The following LTBP4 variants were observed in gnomAD, a reference collection of about 807,000 sequenced individuals.
LTBP4 encodes latent-transforming growth factor beta-binding protein 4.
Under a neutral mutation model 180.2 loss-of-function variants are expected in LTBP4, and 93 were observed. That is an observed-to-expected ratio of 0.52 (90% confidence interval 0.44 to 0.61). The LOEUF is 0.61. Among genes scored for constraint, LTBP4 ranks in the 20% least tolerant of loss-of-function variants. The probability of loss-of-function intolerance (pLI) is 0.00; values close to 1 mark genes in which losing one functional copy is unlikely to be tolerated. For missense variants in LTBP4, 2,116 were observed against 2,256.5 expected (o/e 0.94, Z 1.26); for synonymous variants, 947 against 934.5 (o/e 1.01, Z -0.24).
intron 22 of LTBP4, among the ~76,000 whole-genome samples, chr19:40,621,773 G>C (rs963820023): frequency 6.6e-6 from 1 of 152,186 alleles, no homozygotes; most frequent in Non-Finnish European, 1.5e-5. Flanking sequence ...TTTTGTGACA[G>C]AGTCTCGCTC....
chr19:40,611,364 C>A lies in LTBP4; in HGVS notation c.2023C>A (p.Arg675Ser). Residue 675 changes from arginine (R) to serine (S), a missense_variant, in exon 13 of 30, where the codon CGC becomes AGC. Physicochemically the swap from Arg to Ser is moderately radical, Grantham distance 110. This residue lies in a region of LTBP4 where 877 missense variants were observed against 873.6 expected (regional missense o/e 1.00). Transcript: ENST00000396819. This position sits in a 1 kb window ranked among gnomAD's most constrained non-coding sequence, Gnocchi z 4.4. The stretch of plus-strand genomic sequence containing the variant: ...TCACTGTGCCTGCCCTGCTGGCTTC[C>A]GCTCCCGAGGGCCCGGGGCCCCCTG... ...SFHCACPAGF[R>S]SRGPGAPCQD... 6.2e-7 allele frequency: 1 copy of A among 1,607,852 alleles called. No homozygotes were observed. The highest frequency in any genetic ancestry group is 8.5e-7 in the Non-Finnish European group (1 of 1,177,922).
intron 28 of LTBP4, 139 bp downstream of exon 28, chr19:40,627,494 G>A: frequency 7.6e-7 from 1 of 1,309,714 alleles, no homozygotes; most frequent in Non-Finnish European, 1.0e-6. Flanking sequence ...ACAGAGAAGT[G>A]TCTATAGCCC....
At chr19:40,616,729 C>T (rs947972193) in intron 19 of LTBP4, among the ~76,000 whole-genome samples, 160 bp from the exon 20 acceptor site, 12 of 152,208 alleles carry the variant, frequency 7.9e-5, no homozygotes, top group Non-Finnish European at 1.3e-4. Flanking sequence ...GACTCCGTCT[C>T]AAAGAAAAAA....
chr19:40,599,728 C>G, upstream of LTBP4: 1 of 627,106 alleles, frequency 1.6e-6, no homozygotes, highest in Non-Finnish European at 2.8e-6. Context: ...GCCTGCCTAT[C>G]TCAGGCTCTT....
chr19:40,609,574 C>T lies in LTBP4; in HGVS notation c.1471C>T (p.Pro491Ser), dbSNP rs750845146. 11 of 1,613,426 alleles carry T rather than the reference C, an allele frequency of 6.8e-6. No individual in the cohort carries two copies. The South Asian group carries it at 1.2e-4, about 18-fold the overall frequency. The change falls in exon 10 of 30, where the codon CCA becomes TCA. Residue 491 changes from proline (P) to serine (S), a missense_variant. Coordinates refer to ENST00000396819, the MANE Select transcript of LTBP4 (RefSeq NM_001042545.2). This position sits in a 1 kb window ranked among gnomAD's most constrained non-coding sequence, Gnocchi z 4.9. ...MCQRNPQVCG[P>S]GRCISRPSGY... The stretch of plus-strand genomic sequence containing the variant: ...TCAGCGCAACCCCCAGGTCTGCGGC[C>T]CAGGACGCTGCATTTCCCGGCCCAG...
At position 40,614,471 on chromosome 19, in the gene LTBP4, G is replaced by T. The variant is rs4435368; in HGVS notation, c.2812+25G>T. ...GGTGAGCCTGCCCCCACCCGCCTTC[G>T]CTAGCGCTTGCAACGCGGTGCTGGA... On this transcript the variant is annotated intron_variant, in intron 19 of 29. Coordinates refer to ENST00000396819, the MANE Select transcript of LTBP4 (RefSeq NM_001042545.2). 5.7e-5 allele frequency: 90 copies of T among 1,591,062 alleles called. No homozygotes were observed. In the Admixed American group the frequency reaches 1.4e-3, roughly 25 times the overall value.
chr19:40,612,137 C>T lies in LTBP4; in HGVS notation c.2244C>T (p.Ser748=). Residue 748 remains serine, a synonymous_variant, in exon 15 of 30, where the codon TCC becomes TCT. Coordinates refer to ENST00000396819, the MANE Select transcript of LTBP4 (RefSeq NM_001042545.2). ...AGGAGTGTGTGAACTCGCCCGGCTC[C>T]TTCCAGTGCAGGACCTGTCCTTCTG... The part of the protein sequence containing the change: ...PGQECVNSPG[S]FQCRTCPSGH... The T allele has an allele frequency of 6.2e-7, 1 of 1,613,338 alleles. No individual in the cohort carries two copies. Among genetic ancestry groups the T allele is most frequent in the Non-Finnish European group, 8.5e-7 (1 of 1,179,666 alleles).
At position 40,614,335 on chromosome 19, in the gene LTBP4, C is replaced by A; in HGVS notation, c.2701C>A (p.Arg901=). The A allele has an allele frequency of 6.3e-7, 1 of 1,599,656 alleles. No individual in the cohort carries two copies. The highest frequency in any genetic ancestry group is 2.2e-5 in the East Asian group (1 of 44,842). The change falls in exon 19 of 30, where the codon CGA becomes AGA. Residue 901 remains arginine (R), a synonymous_variant. Coordinates refer to ENST00000396819, the MANE Select transcript of LTBP4 (RefSeq NM_001042545.2). ...SCLDVDECRE[R]GPALCGSQRC... is the part of the protein sequence containing the mutation. ...CTCAGACGTGGACGAATGTCGCGAG[C>A]GAGGCCCAGCCCTGTGCGGGTCGCA...
At position 40,624,089 on chromosome 19, in the gene LTBP4, C is replaced by G. The variant is rs1036148058; in HGVS notation, c.3832+7C>G. On this transcript the variant is annotated splice_region_variant and intron_variant, in intron 26 of 29. Coordinates refer to ENST00000396819, the MANE Select transcript of LTBP4 (RefSeq NM_001042545.2). ...AACGAGAGCCAGAGCCTCGGTAACC[C>G]CGCCCACGCCATCCAGGCCCTCCTT... The G allele has an allele frequency of 1.3e-6, 2 of 1,535,850 alleles. No individual in the cohort carries two copies. Among genetic ancestry groups the G allele is most frequent in the African/African-American group, 2.7e-5 (2 of 73,076 alleles).
intron 1 of LTBP4, among the ~76,000 whole-genome samples, chr19:40,595,189 G>A (rs1599854063): frequency 6.6e-6 from 1 of 152,200 alleles, no homozygotes; most frequent in African/African-American, 2.4e-5. Flanking sequence ...GTGGGAAAGG[G>A]TGTGGCCTGA....
At position 40,613,118 on chromosome 19, in the gene LTBP4, A is replaced by G. The variant is rs542024004; in HGVS notation, c.2353A>G (p.Thr785Ala). 1.2e-6 allele frequency: 2 copies of G among 1,606,750 alleles called. No individual in the cohort carries two copies. The highest frequency in any genetic ancestry group is 1.3e-5 in the African/African-American group (1 of 74,806). ...APPCGPHGHCTNTEGSFRCSC... is the reference protein window; with the variant it reads ...APPCGPHGHCANTEGSFRCSC... ...TCCCTGTGGTCCCCACGGCCACTGC[A>G]CTAACACCGAAGGCTCCTTCCGCTG... is the stretch of plus-strand genomic sequence containing the variant. The change falls in exon 16 of 30, where the codon ACT becomes GCT. Residue 785 changes from threonine (T) to alanine (A), a missense_variant. By Grantham distance (58) the Thr-to-Ala change is moderately conservative (BLOSUM62 0). Around this residue, in one of 5 missense-constraint regions of LTBP4, gnomAD observed 877 missense variants for 873.6 expected, o/e 1.00. Transcript: ENST00000396819. The surrounding 1 kb of genome is among the most constrained non-coding windows in gnomAD (Gnocchi z 5.0).
In LTBP4 at chr19:40,605,524, G is replaced by A. The variant is rs771375902; in HGVS notation, c.562G>A (p.Ala188Thr). 9 of 1,608,462 alleles carry A rather than the reference G, an allele frequency of 5.6e-6. No individual in the cohort carries two copies. Among genetic ancestry groups the A allele is most frequent in the South Asian group, 1.1e-5 (1 of 90,934 alleles). The stretch of plus-strand genomic sequence containing the variant: ...GGCGGACGCTGAGGCGGTGGCGCGG[G>A]CGGAAGCGGCGGCGCGGGCGGAGGC... ...EEADAEAVAR[A>T]EAAARAEAAA... Residue 188 changes from alanine (A) to threonine (T), a missense_variant, in exon 3 of 30, where the codon GCG becomes ACG. Around this residue, in one of 5 missense-constraint regions of LTBP4, gnomAD observed 469 missense variants for 532.5 expected, o/e 0.88. Coordinates refer to ENST00000396819, the MANE Select transcript of LTBP4 (RefSeq NM_001042545.2). The surrounding 1 kb of genome is among the most constrained non-coding windows in gnomAD (Gnocchi z 5.5).
intron 1 of LTBP4, chr19:40,593,285 C>A (rs557074839): frequency 2.9e-6 from 4 of 1,383,358 alleles, no homozygotes; most frequent in South Asian, 1.2e-5. Flanking sequence ...CTTTGTTGCC[C>A]GGGCTAGGGT....
chr19:40,602,797 G>C (rs1478661713), intron 1 of LTBP4, among the ~76,000 whole-genome samples: 2 of 152,150 alleles, frequency 1.3e-5, no homozygotes, highest in Admixed American at 6.5e-5. Context: ...CTGGGTGTAG[G>C]CACCCCCAGG....
rs1212321608 is a variant in LTBP4 at position 40,605,425 on chromosome 19, G to A, written c.463G>A (p.Val155Ile). ...DEHGVASMVS[V>I]HVEHPQEASV... ...CCTAGGCGTGGCATCTATGGTGAGC[G>A]TCCACGTGGAGCACCCGCAGGAGGC... The change falls in exon 3 of 30, where the codon GTC becomes ATC. Residue 155 changes from valine to isoleucine, a missense_variant. Val to Ile is a conservative substitution (Grantham distance 29, BLOSUM62 3). Transcript: ENST00000396819. The surrounding 1 kb of genome is among the most constrained non-coding windows in gnomAD (Gnocchi z 5.5). 7 of 1,612,768 alleles carry A rather than the reference G, an allele frequency of 4.3e-6. No individual in the cohort carries two copies. Among genetic ancestry groups the A allele is most frequent in the Non-Finnish European group, 5.9e-6 (7 of 1,179,872 alleles).
rs2081508605 is a variant in LTBP4, at chr19:40,611,839, A to T, written c.2054-20A>T. On this transcript the variant is annotated intron_variant, in intron 13 of 29. Coordinates refer to ENST00000396819, the MANE Select transcript of LTBP4 (RefSeq NM_001042545.2). This position sits in a 1 kb window ranked among gnomAD's most constrained non-coding sequence, Gnocchi z 4.4. ...GGATTCAGGCCCCTTCCTCAGCCTC[A>T]TTGGTCCCCTCTGCCCCAGATGTGG... 1 of 1,601,026 alleles carries T rather than the reference A, an allele frequency of 6.2e-7. No homozygotes were observed. Among genetic ancestry groups the T allele is most frequent in the African/African-American group, 1.3e-5 (1 of 74,514 alleles).
chr19:40,601,337 G>T, upstream of LTBP4: 1 of 1,004,942 alleles, frequency 1.0e-6, no homozygotes, highest in Non-Finnish European at 1.2e-6. Context: ...GTGCGGCCGG[G>T]CCCCTCGGGC....
rs1352700884 is a variant in LTBP4, at chr19:40,609,158, G to A, written c.1427-372G>A. Among the ~76,000 whole-genome samples, 1 of 152,196 alleles carries A rather than the reference G, an allele frequency of 6.6e-6. No individual in the cohort carries two copies. Among genetic ancestry groups the A allele is most frequent in the African/African-American group, 2.4e-5 (1 of 41,430 alleles). On this transcript the variant is annotated intron_variant, in intron 9 of 29. Coordinates refer to ENST00000396819, the MANE Select transcript of LTBP4 (RefSeq NM_001042545.2). The surrounding 1 kb of genome is among the most constrained non-coding windows in gnomAD (Gnocchi z 4.9). ...TTGGTAAAATGGGGATGGTTGTTGA[G>A]ATGCCTCTGAAGTGTCTGACACCTA...
intron 24 of LTBP4, 52 bp from the exon 25 acceptor site, chr19:40,623,552 C>T (rs1471293065): frequency 1.9e-6 from 3 of 1,581,092 alleles, no homozygotes; most frequent in African/African-American, 2.7e-5. Flanking sequence ...CATGCCCTCA[C>T]ACACTCCACC....
Sources: allele counts gnomAD v4.1 joint callset (sites outside exome capture counted in the v4.1 genomes callset), GRCh38; gene constraint gnomAD v4.1.1; regional missense constraint gnomAD v4.1.1; non-coding constraint Gnocchi (gnomAD v3.1); transcripts MANE v1.5; gene names NCBI Gene and HGNC (gene_info 2026-07-23, HGNC 2026-07-21).